IGF2: variants seen among roughly 807,000 people sequenced by gnomAD.
The protein encoded by IGF2 is insulin-like growth factor 2.
IGF2 carries 2 observed loss-of-function variants against 12.0 expected under a neutral mutation model. The ratio of observed to expected loss-of-function variants is 0.17; its 90% confidence interval spans 0.07 to 0.52. The LOEUF is 0.52. IGF2 is among the 20% of genes least tolerant of loss of function. The pLI, the probability that IGF2 is intolerant of heterozygous loss-of-function variation, is 0.95. For missense variants in IGF2, 211 were observed against 268.0 expected (o/e 0.79, Z 1.48); for synonymous variants, 105 against 110.1 (o/e 0.95, Z 0.29).
rs1284775022 is a variant in IGF2, at chr11:2,132,582, TG to T, written c.*404del. Reference sequence around the variant, plus strand: ...TAGCCAATTGATTTTTTTTGGTGGTTGTTTTTTTTAAAGCCAATTTCTGAGC... The same window carrying T: ...TAGCCAATTGATTTTTTTTGGTGGTTTTTTTTTTAAAGCCAATTTCTGAGC... On this transcript the variant is annotated 3_prime_UTR_variant, in exon 4 of 4. Coordinates refer to ENST00000416167, the MANE Select transcript of IGF2 (RefSeq NM_000612.6). 2.5e-5 allele frequency: 5 copies of T among 202,766 alleles called. No individual in the cohort carries two copies. The highest frequency in any genetic ancestry group is 1.2e-4 in the African/African-American group (5 of 43,012). 12.6% of individuals were successfully genotyped at this position (202,766 alleles called of 1,614,324 possible).
In IGF2 at chr11:2,138,918, T is replaced by A. The variant is rs983418494; in HGVS notation, c.-696A>T. 2.0e-6 allele frequency: 2 copies of A among 984,176 alleles called. No individual in the cohort carries two copies. Among genetic ancestry groups the A allele is most frequent in the African/African-American group, 3.5e-5 (2 of 56,898 alleles). 61.0% of individuals were successfully genotyped at this position (984,176 alleles called of 1,614,324 possible). A position where few individuals can be genotyped will look rare whatever the true frequency, so the allele number is the denominator to read the frequency against. On this transcript the variant is annotated 5_prime_UTR_variant, in exon 1 of 4. Coordinates refer to ENST00000416167, the MANE Select transcript of IGF2 (RefSeq NM_000612.6). ...CCGGACCGCGGGCGCCCAGCTCGGT[T>A]TGGGCCGACGGAGCCCTCTGCCGTC...
the IGF2 span, chr11:2,147,563 C>G: frequency 8.4e-7 from 1 of 1,193,240 alleles, no homozygotes; most frequent in Admixed American, 4.2e-5. The surrounding 1 kb of genome is among the most constrained non-coding windows in gnomAD (Gnocchi z 7.2). Context: ...CTGAGACACT[C>G]ACCTCTCTGC....
chr11:2,140,394 A>T, upstream of IGF2: 1 of 1,187,070 alleles, frequency 8.4e-7, no homozygotes, highest in Non-Finnish European at 1.2e-6. Context: ...CCCGCCGCCT[A>T]AGCCTAGCCA....
upstream of IGF2, chr11:2,140,231 G>T (rs538586423): frequency 4.3e-6 from 7 of 1,613,198 alleles, no homozygotes; most frequent in South Asian, 2.2e-5. Context: ...CAGTGCGTTG[G>T]ACTTGCATAG....
At chr11:2,135,682 C>T (rs1215662174) in intron 1 of IGF2, 153 bp from the exon 2 acceptor site, 3 of 246,444 alleles carry the variant, frequency 1.2e-5, no homozygotes, top group African/African-American at 4.6e-5. Flanking sequence ...ACAAAAGTAA[C>T]ACACAGGTCA....
intron 1 of IGF2, among the ~76,000 whole-genome samples, chr11:2,137,718 A>G (rs1411874951): frequency 1.3e-5 from 2 of 151,932 alleles, no homozygotes; most frequent in Non-Finnish European, 2.9e-5. Context: ...TGTGGGGGAG[A>G]TGTCGCGAAT....
At chr11:2,134,169 G>A (rs748692358) in intron 2 of IGF2, 56 of 507,258 alleles carry the variant, frequency 1.1e-4, no homozygotes, top group Middle Eastern at 6.5e-4. Context: ...GTGAGGAGGC[G>A]TGATGGAACC....
upstream of IGF2, among the ~76,000 whole-genome samples, chr11:2,142,991 C>A (rs1859691973): frequency 6.6e-6 from 1 of 152,110 alleles, no homozygotes; most frequent in East Asian, 1.9e-4. This position sits in a 1 kb window ranked among gnomAD's most constrained non-coding sequence, Gnocchi z 5.7. Context: ...GGCCAGGCAG[C>A]ATATAGAGCC....
the IGF2 span, chr11:2,147,686 G>A: frequency 8.0e-7 from 1 of 1,250,592 alleles, no homozygotes; most frequent in Non-Finnish European, 1.0e-6. The surrounding 1 kb of genome is among the most constrained non-coding windows in gnomAD (Gnocchi z 7.2). Flanking sequence ...TCTCTGGCCT[G>A]CTGGGGCTCA....
At position 2,131,992 on chromosome 11, in the gene IGF2, C is replaced by T. The variant is rs184016711; in HGVS notation, c.*995G>A. 1,057 of 92,200 alleles carry T rather than the reference C, an allele frequency of 0.011. 5 individuals are homozygous for T. The highest frequency in any genetic ancestry group is 0.015 in the Non-Finnish European group (761 of 49,848). 5.7% of individuals were successfully genotyped at this position (92,200 alleles called of 1,614,324 possible). A position where few individuals can be genotyped will look rare whatever the true frequency, so the allele number is the denominator to read the frequency against. On this transcript the variant is annotated 3_prime_UTR_variant, in exon 4 of 4. Coordinates refer to ENST00000416167, the MANE Select transcript of IGF2 (RefSeq NM_000612.6). ...CATGTGTGTGCGTGTGTGTGCTGTG[C>T]GTTTGTGTGTGTGCTGTGTGCTCAT... is the stretch of plus-strand genomic sequence containing the variant.
chr11:2,139,449 C>G (rs1025281286), upstream of IGF2: 3 of 146,688 alleles, frequency 2.0e-5, no homozygotes, highest in East Asian at 4.1e-4. Context: ...CCAGGGCCCG[C>G]GCGGGCCTCG....
At chr11:2,149,300 C>T in the IGF2 span, 5 of 1,613,370 alleles carry the variant, frequency 3.1e-6, no homozygotes, top group African/African-American at 5.3e-5. Flanking sequence ...GGCGTCCAGA[C>T]CCTCTGGCCA....
chr11:2,141,593 G>A (rs1859602063), upstream of IGF2, among the ~76,000 whole-genome samples: 1 of 152,204 alleles, frequency 6.6e-6, no homozygotes, highest in South Asian at 2.1e-4. Context: ...TGAAAGCAAG[G>A]AACACATTTT....
At chr11:2,140,521 C>G (rs2133615227), upstream of IGF2, 1 of 550,716 alleles carries the variant, frequency 1.8e-6, no homozygotes, top group South Asian at 2.1e-5. Context: ...GTCCTAGGCC[C>G]GCGGGCTAGA....
At position 2,138,488 on chromosome 11, in the gene IGF2, G is replaced by C; in HGVS notation, c.-266C>G. ...TACTTTTCGGGGGGGAAAAGGTATC[G>C]GGAAATGAGGTCAGCTGTTGTATCA... On this transcript the variant is annotated 5_prime_UTR_variant, in exon 1 of 4. Transcript: ENST00000416167. The C allele has an allele frequency of 1.1e-6, 1 of 935,154 alleles. No homozygotes were observed. The highest frequency in any genetic ancestry group is 1.3e-6 in the Non-Finnish European group (1 of 789,888). The allele number at this position is 935,154 out of a possible 1,614,324, so 57.9% of individuals were successfully genotyped here. A position where few individuals can be genotyped will look rare whatever the true frequency, so the allele number is the denominator to read the frequency against.
Position 2,138,930 on chromosome 11 carries a change from A to T in IGF2, c.-708T>A. The T allele has an allele frequency of 5.1e-6, 5 of 983,734 alleles. No homozygotes were observed. The highest frequency in any genetic ancestry group is 4.8e-6 in the Non-Finnish European group (4 of 829,166). The allele number at this position is 983,734 out of a possible 1,614,324, so 60.9% of individuals were successfully genotyped here. ...CGCCCAGCTCGGTTTGGGCCGACGGAGCCCTCTGCCGTCGCGAGCCCGGGC... is the reference window on the plus strand; with the variant it reads ...CGCCCAGCTCGGTTTGGGCCGACGGTGCCCTCTGCCGTCGCGAGCCCGGGC... On this transcript the variant is annotated 5_prime_UTR_variant, in exon 1 of 4. Transcript: ENST00000416167.
chr11:2,135,340 C>A (rs1374092384), intron 2 of IGF2, 27 bp downstream of exon 2: 1 of 1,582,828 alleles, frequency 6.3e-7, no homozygotes, highest in East Asian at 2.3e-5. Flanking sequence ...CTGACCAGGT[C>A]TGAGGAAGCC....
At chr11:2,137,223 A>T in intron 1 of IGF2, 1 of 995,918 alleles carries the variant, frequency 1.0e-6, no homozygotes, top group Non-Finnish European at 1.2e-6. Context: ...GGGCAGGAGG[A>T]GGAGGAGGAA....
upstream of IGF2, among the ~76,000 whole-genome samples, chr11:2,146,030 T>C (rs1859910914): frequency 6.6e-6 from 1 of 151,922 alleles, no homozygotes; most frequent in African/African-American, 2.4e-5. Flanking sequence ...CCAAGCAGCG[T>C]CCGCCCCCCA....
Sources: gnomAD v4.1 joint callset for allele counts (sites outside exome capture counted in the v4.1 genomes callset) on GRCh38, gnomAD v4.1.1 for gene constraint, Gnocchi (gnomAD v3.1) non-coding constraint, MANE v1.5 for transcripts, NCBI Gene and HGNC (gene_info 2026-07-23, HGNC 2026-07-21) for gene names.